The following XYLT1 variants were observed in gnomAD, a reference collection of about 807,000 sequenced individuals.
XYLT1 encodes the protein beta-D-xylosyltransferase 1.
A neutral mutation model predicts 91.3 loss-of-function variants in XYLT1; 36 were observed. The observed-to-expected ratio is 0.39, with a 90% CI of 0.30 to 0.52. The LOEUF (loss-of-function observed/expected upper bound fraction) is 0.52. Ranked by LOEUF, XYLT1 falls within the 20% of genes least tolerant of loss-of-function variation. The probability of loss-of-function intolerance (pLI) is 0.68; values close to 1 mark genes in which losing one functional copy is unlikely to be tolerated. For missense variants in XYLT1, 1,242 were observed against 1,284.5 expected, an observed-to-expected ratio of 0.97 and a Z score of 0.51; for synonymous variants, 588 against 532.0, an observed-to-expected ratio of 1.11 and a Z score of -1.45.
chr16:17,285,204 G>A (rs552068285), intron 2 of XYLT1, among the ~76,000 whole-genome samples: 10 of 152,228 alleles, frequency 6.6e-5, no homozygotes, highest in Non-Finnish European at 1.5e-5. Flanking sequence ...CAAGTGATGG[G>A]AATTTACTTA....
At position 17,468,493 on chromosome 16, in the gene XYLT1, C is replaced by T. The variant is rs190816168; in HGVS notation, c.363+1941G>A. ...GAGTTTCAGAAAAGCAAAGCACCTC[C>T]GCTGCTGGAACTGCAATTCCAAAAG... On this transcript the variant is annotated intron_variant, in intron 1 of 11. Coordinates refer to ENST00000261381, the MANE Select transcript of XYLT1 (RefSeq NM_022166.4). 1.9e-3 allele frequency among the ~76,000 whole-genome samples: 296 copies of T among 152,256 alleles called. 1 individual carries two copies. Among genetic ancestry groups the T allele is most frequent in the African/African-American group, 6.7e-3 (280 of 41,540 alleles).
chr16:17,207,805 T>C (rs559691845), intron 3 of XYLT1, among the ~76,000 whole-genome samples: 24 of 151,538 alleles, frequency 1.6e-4, no homozygotes, highest in Middle Eastern at 3.4e-3. Flanking sequence ...AAGAGAGGGG[T>C]GGAGGGGATG....
chr16:17,172,470 T>TC (rs1218386938), intron 5 of XYLT1, among the ~76,000 whole-genome samples: 13 of 144,114 alleles, frequency 9.0e-5, no homozygotes, highest in East Asian at 4.0e-4. Flanking sequence ...TCATTTCTTT[T>TC]TTTTTTTTTT....
rs2030963324 is a variant in XYLT1 at position 17,141,200 on chromosome 16, C to T, written c.1540G>A (p.Val514Met). Residue 514 changes from valine (V) to methionine (M), a missense_variant, in exon 7 of 12, where the codon GTG becomes ATG. This residue lies in a region of XYLT1 where 294 missense variants were observed against 376.0 expected (regional missense o/e 0.78). Transcript: ENST00000261381. Reference protein sequence around the residue: ...EYVTFSTDDLVTKMKQFYSYT... With the variant: ...EYVTFSTDDLMTKMKQFYSYT... The stretch of plus-strand genomic sequence containing the variant: ...GAGTAGAACTGTTTCATCTTGGTCA[C>T]CAGATCGTCTGTGGAGAAGGTCACA... 1.2e-6 allele frequency: 2 copies of T among 1,614,116 alleles called. No homozygotes were observed. The highest frequency in any genetic ancestry group is 1.7e-6 in the Non-Finnish European group (2 of 1,180,046).
intron 1 of XYLT1, among the ~76,000 whole-genome samples, chr16:17,425,551 C>A (rs2141926737): frequency 6.6e-6 from 1 of 152,226 alleles, no homozygotes; most frequent in Non-Finnish European, 1.5e-5. Context: ...TCCCAGAAAC[C>A]AAAGCTCACA....
At chr16:17,242,499 A>C (rs901156993) in intron 3 of XYLT1, among the ~76,000 whole-genome samples, 4 of 152,198 alleles carry the variant, frequency 2.6e-5, no homozygotes, top group Admixed American at 1.3e-4. Flanking sequence ...CAAATCATCT[A>C]GCCTCACTCT....
intron 7 of XYLT1, 44 bp from the exon 8 acceptor site, chr16:17,138,575 C>CCCACAGATGA: frequency 6.3e-7 from 1 of 1,593,010 alleles, no homozygotes; most frequent in Non-Finnish European, 8.6e-7. Context: ...CTCCCAGCCT[C>CCCACAGATGA]CCACAGATGA....
chr16:17,403,975 C>T (rs979608327), intron 1 of XYLT1, among the ~76,000 whole-genome samples: 72 of 152,196 alleles, frequency 4.7e-4, no homozygotes, highest in African/African-American at 1.6e-3. Context: ...TTAGAGACAA[C>T]GAGATTCTCT....
intron 2 of XYLT1, among the ~76,000 whole-genome samples, chr16:17,326,419 G>T (rs2034803046): frequency 6.6e-6 from 1 of 152,090 alleles, no homozygotes; most frequent in African/African-American, 2.4e-5. Context: ...TTAAAATAAA[G>T]AATTTTGAAA....
rs201315019 is a variant in XYLT1, at chr16:17,186,173, G to A, written c.1289+12039C>T. Among the ~76,000 whole-genome samples the A allele has an allele frequency of 4.7e-4, 72 of 152,068 alleles. 2 individuals carry two copies. In the South Asian group the frequency reaches 0.013, roughly 27 times the overall value. On this transcript the variant is annotated intron_variant, in intron 5 of 11. Coordinates refer to ENST00000261381, the MANE Select transcript of XYLT1 (RefSeq NM_022166.4). ...GGCTGGAGTGCAGTGGCGCGATCTC[G>A]GCTCACTGCAACCTCCACCTCCTGG...
Position 17,158,903 on chromosome 16 carries a change from A to G in XYLT1, c.1296T>C (p.Asn432=), listed in dbSNP as rs1008537884. ...LSAADYPIRT[N]DQLVAFLSRY... ...GGGAGAGAAACGCCACCAACTGGTC[A>G]TTTGTCCTGTGGAAACAAACCAAGG... Residue 432 remains asparagine, a synonymous_variant, in exon 6 of 12, where the codon AAT becomes AAC. Coordinates refer to ENST00000261381, the MANE Select transcript of XYLT1 (RefSeq NM_022166.4). 2 of 1,613,956 alleles carry G rather than the reference A, an allele frequency of 1.2e-6. No individual in the cohort carries two copies. The highest frequency in any genetic ancestry group is 2.7e-5 in the African/African-American group (2 of 74,886).
At position 17,470,585 on chromosome 16, in the gene XYLT1, G is replaced by A; in HGVS notation, c.212C>T (p.Pro71Leu). Reference sequence around the variant, plus strand: ...TCCTCGGGCTGCAGCCGGCTCGGCGGGCAGGTCCCGGCGCTCCCGGCGCGG... The same window carrying A: ...TCCTCGGGCTGCAGCCGGCTCGGCGAGCAGGTCCCGGCGCTCCCGGCGCGG... ...PAPRRERRDL[P>L]AEPAAARGGG... Residue 71 changes from proline to leucine, a missense_variant, in exon 1 of 12, where the codon CCC (proline) becomes CTC (leucine). Physicochemically the swap from Pro to Leu is moderately conservative, Grantham distance 98. This residue lies in a region of XYLT1 where 437 missense variants were observed against 411.5 expected (regional missense o/e 1.06). Transcript: ENST00000261381. 1 of 1,185,486 alleles carries A rather than the reference G, an allele frequency of 8.4e-7. No individual in the cohort carries two copies. Among genetic ancestry groups the A allele is most frequent in the Non-Finnish European group, 1.0e-6 (1 of 959,106 alleles). 73.4% of individuals were successfully genotyped at this position (1,185,486 alleles called of 1,614,324 possible).
intron 5 of XYLT1, among the ~76,000 whole-genome samples, chr16:17,189,541 G>A (rs1287931876): frequency 1.3e-5 from 2 of 152,152 alleles, no homozygotes. Flanking sequence ...CAGGAGACAG[G>A]GGCTTTGGGA....
At chr16:17,183,335 TG>T (rs2032111657) in intron 5 of XYLT1, among the ~76,000 whole-genome samples, 1 of 152,202 alleles carries the variant, frequency 6.6e-6, no homozygotes, top group African/African-American at 2.4e-5. Context: ...CTCTGCCTCC[TG>T]GATTCTCATC....
intron 3 of XYLT1, among the ~76,000 whole-genome samples, chr16:17,246,438 C>T (rs1223638705): frequency 6.6e-6 from 1 of 152,272 alleles, no homozygotes; most frequent in East Asian, 1.9e-4. Flanking sequence ...GAAGCTAGAT[C>T]AGTCATTTAA....
In XYLT1 at chr16:17,121,495, C is replaced by T. The variant is rs751764431; in HGVS notation, c.2224-3516G>A. Reference sequence around the variant, plus strand: ...CCAAATTCAAATACATATTCAAATTCAAGCTTAACATACTGCTCCCTGGCT... The same window carrying T: ...CCAAATTCAAATACATATTCAAATTTAAGCTTAACATACTGCTCCCTGGCT... On this transcript the variant is annotated intron_variant, in intron 10 of 11. Coordinates refer to ENST00000261381, the MANE Select transcript of XYLT1 (RefSeq NM_022166.4). Among the ~76,000 whole-genome samples, 12 of 152,214 alleles carry T rather than the reference C, an allele frequency of 7.9e-5. 1 individual carries two copies. The highest frequency in any genetic ancestry group is 1.8e-4 in the Non-Finnish European group (12 of 68,036).
chr16:17,317,623 C>T (rs936510124), intron 2 of XYLT1, among the ~76,000 whole-genome samples: 1 of 97,240 alleles, frequency 1.0e-5, no homozygotes, highest in Non-Finnish European at 1.8e-5. Context: ...GTGGGAGACG[C>T]TGTCTCAAAA....
chr16:17,308,353 A>G (rs2034497365), intron 2 of XYLT1, among the ~76,000 whole-genome samples: 2 of 152,182 alleles, frequency 1.3e-5, no homozygotes, highest in African/African-American at 4.8e-5. Context: ...GCCTGCTTTA[A>G]AAGTTACTTG....
chr16:17,340,094 GCCCACCCATCCA>G (rs1319737327), intron 2 of XYLT1, among the ~76,000 whole-genome samples: 5 of 150,936 alleles, frequency 3.3e-5, no homozygotes, highest in South Asian at 4.2e-4. Flanking sequence ...CTATCCATCT[GCCCACCCATCCA>G]CCCACCCATC....
Sources: gnomAD v4.1 joint callset for allele counts (sites outside exome capture counted in the v4.1 genomes callset) on GRCh38, gnomAD v4.1.1 for gene constraint, gnomAD v4.1.1 regional missense constraint, MANE v1.5 for transcripts, NCBI Gene and HGNC (gene_info 2026-07-23, HGNC 2026-07-21) for gene names.